OC90: variants seen among roughly 807,000 people sequenced by gnomAD.
OC90 encodes otoconin 90.
A neutral mutation model predicts 47.3 loss-of-function variants in OC90; 46 were observed. The ratio of observed to expected loss-of-function variants is 0.97; its 90% CI spans 0.77 to 1.24. The LOEUF (loss-of-function observed/expected upper bound fraction) is 1.24. Ranked by LOEUF, OC90 falls within the 50% of genes most tolerant of loss-of-function variation. OC90 has a pLI of 0.00. For synonymous variants in OC90, 271 were observed against 219.5 expected (o/e 1.23, Z -2.07); for missense variants, 688 against 583.9 (o/e 1.18, Z -1.84).
At chr8:132,039,211 T>TC in intron 6 of OC90, 88 bp from the exon 7 acceptor site, 2 of 1,410,456 alleles carry the variant, frequency 1.4e-6, no homozygotes, top group Non-Finnish European at 2.0e-6. Flanking sequence ...GTTCCTCATC[T>TC]CCCCTGCCAA....
chr8:132,039,471 C>T (rs541496860), intron 6 of OC90, among the ~76,000 whole-genome samples: 43 of 152,148 alleles, frequency 2.8e-4, no homozygotes, highest in African/African-American at 9.9e-4. Flanking sequence ...CCAGCTTCTA[C>T]CCTGCTGCTC....
At chr8:132,035,650 G>T (rs746967932) in intron 9 of OC90, among the ~76,000 whole-genome samples, 1 of 152,206 alleles carries the variant, frequency 6.6e-6, no homozygotes, top group African/African-American at 2.4e-5. Flanking sequence ...GAAATTGACT[G>T]ATATGGACAC....
intron 13 of OC90, 64 bp from the exon 14 acceptor site, chr8:132,024,840 G>T: frequency 2.8e-6 from 4 of 1,428,614 alleles, no homozygotes; most frequent in Non-Finnish European, 3.8e-6. Flanking sequence ...GAGGCCCCAC[G>T]GCCCTGGCCA....
chr8:132,057,104 C>T (rs1460425689), intron 1 of OC90, among the ~76,000 whole-genome samples: 1 of 152,182 alleles, frequency 6.6e-6, no homozygotes, highest in Non-Finnish European at 1.5e-5. Context: ...TTGTGAGGCA[C>T]ATACAACAGC....
At chr8:132,044,683 C>T (rs996535512) in intron 3 of OC90, among the ~76,000 whole-genome samples, 194 bp from the exon 4 acceptor site, 6 of 152,172 alleles carry the variant, frequency 3.9e-5, no homozygotes, top group African/African-American at 1.4e-4. Context: ...AATTCCATTA[C>T]TGGGTAGCAT....
At chr8:132,042,226 A>T (rs1472151913) in intron 4 of OC90, among the ~76,000 whole-genome samples, 1 of 152,204 alleles carries the variant, frequency 6.6e-6, no homozygotes, top group African/African-American at 2.4e-5. Context: ...CCCCAAGTCT[A>T]AAGTTGAAAA....
intron 13 of OC90, among the ~76,000 whole-genome samples, chr8:132,025,723 G>A (rs1019875389): frequency 1.3e-5 from 2 of 152,152 alleles, no homozygotes; most frequent in African/African-American, 2.4e-5. Flanking sequence ...CTTTGCTTCA[G>A]TAAACTCTTT....
chr8:132,046,001 A>G (rs1231039091), intron 2 of OC90, 118 bp from the exon 3 acceptor site: 2 of 671,370 alleles, frequency 3.0e-6, no homozygotes, highest in Admixed American at 4.8e-5. Context: ...ATTCAATTCC[A>G]TGCATATTTC....
At chr8:132,045,959 G>A (rs558726296) in intron 2 of OC90, 76 bp from the exon 3 acceptor site, 71 of 784,024 alleles carry the variant, frequency 9.1e-5, no homozygotes, top group Middle Eastern at 2.2e-4. Flanking sequence ...GCCAGAAGGC[G>A]ACAGCCAGAC....
chr8:132,042,452 G>T (rs550210506), intron 4 of OC90, among the ~76,000 whole-genome samples: 1 of 152,178 alleles, frequency 6.6e-6, no homozygotes, highest in South Asian at 2.1e-4. Flanking sequence ...TGATACTGAG[G>T]CTCGGGGTCC....
chr8:132,056,384 C>CA (rs1452333544), intron 1 of OC90, among the ~76,000 whole-genome samples: 8 of 152,194 alleles, frequency 5.3e-5, no homozygotes, highest in African/African-American at 1.9e-4. Context: ...GTTGTACAAT[C>CA]ACTACTCTAT....
chr8:132,054,854 T>A, intron 2 of OC90, 127 bp downstream of exon 2: 1 of 557,460 alleles, frequency 1.8e-6, no homozygotes, highest in Non-Finnish European at 3.1e-6. Context: ...CTCAATTTTA[T>A]AGAAAGATAA....
chr8:132,057,369 C>T (rs1025440144), intron 1 of OC90, among the ~76,000 whole-genome samples: 10 of 152,174 alleles, frequency 6.6e-5, no homozygotes, highest in African/African-American at 1.4e-4. Flanking sequence ...TCAGATAAGA[C>T]GGCCTGAAGG....
rs569933136 is a variant in OC90 at position 132,028,634 on chromosome 8, G to A, written c.1138+439C>T. Among the ~76,000 whole-genome samples, 42 of 101,192 alleles carry A rather than the reference G, an allele frequency of 4.2e-4. 1 individual carries two copies. The highest frequency in any genetic ancestry group is 6.8e-4 in the Non-Finnish European group (33 of 48,730). 66.4% of individuals were successfully genotyped at this position (101,192 alleles called of 152,430 possible). A position where few individuals can be genotyped will look rare whatever the true frequency, so the allele number is the denominator to read the frequency against. ...GGGAAGGAGGAAGGAAGGAAGGAAG[G>A]AAAGAAAGGAAGGAAGGAAGAAAGA... On this transcript the variant is annotated intron_variant, in intron 13 of 13. Transcript: ENST00000254627.
intron 4 of OC90, among the ~76,000 whole-genome samples, chr8:132,043,968 A>G (rs1367707642): frequency 2.0e-5 from 3 of 152,216 alleles, no homozygotes; most frequent in Non-Finnish European, 4.4e-5. Flanking sequence ...TGATAGTCAC[A>G]TAATAGATTT....
intron 8 of OC90, among the ~76,000 whole-genome samples, chr8:132,038,311 C>T (rs1427820268): frequency 6.6e-6 from 1 of 152,202 alleles, no homozygotes; most frequent in Non-Finnish European, 1.5e-5. Context: ...CTGTTGGACC[C>T]AGGCTGCCCC....
chr8:132,029,040 A>G lies in OC90; in HGVS notation c.1138+33T>C, dbSNP rs115262623. On this transcript the variant is annotated intron_variant, in intron 13 of 13. Coordinates refer to ENST00000254627, the MANE Select transcript of OC90 (RefSeq NM_001080399.3). ...CAGTCACGATGCTGACCTCAATGAA[A>G]TAATAACTCAATGTGCAACCAACAG... 8.9e-4 allele frequency: 1,311 copies of G among 1,469,536 alleles called. 18 individuals carry two copies. In the African/African-American group the frequency reaches 0.016, roughly 18 times the overall value. 91.0% of individuals were successfully genotyped at this position (1,469,536 alleles called of 1,614,324 possible).
intron 3 of OC90, among the ~76,000 whole-genome samples, chr8:132,044,935 A>G (rs772405611): frequency 6.6e-6 from 1 of 152,250 alleles, no homozygotes; most frequent in African/African-American, 2.4e-5. Context: ...GCTGCTCCAC[A>G]TAAGTCCCAT....
At chr8:132,048,808 C>A (rs1215708497) in intron 2 of OC90, among the ~76,000 whole-genome samples, 2 of 151,554 alleles carry the variant, frequency 1.3e-5, no homozygotes, top group Non-Finnish European at 2.9e-5. Context: ...GAATAAGGAT[C>A]AGTGTTTGGC....
Sources: gnomAD v4.1 joint callset for allele counts (sites outside exome capture counted in the v4.1 genomes callset) on GRCh38, gnomAD v4.1.1 for gene constraint, MANE v1.5 for transcripts, NCBI Gene and HGNC (gene_info 2026-07-23, HGNC 2026-07-21) for gene names.